DPF3: variants seen among roughly 807,000 people sequenced by gnomAD.
DPF3 encodes the protein double PHD fingers 3.
In DPF3, 18 loss-of-function variants were observed where a neutral mutation model predicts 56.8. The observed-to-expected ratio is 0.32, with a 90% CI of 0.22 to 0.47. The LOEUF (loss-of-function observed/expected upper bound fraction) is 0.47, where lower values mean the gene tolerates loss of function less well. DPF3 is among the 20% of genes least tolerant of loss of function. DPF3 has a pLI of 1.00. For missense variants in DPF3, 403 were observed against 488.8 expected (o/e 0.82, Z 1.65); for synonymous variants, 188 against 180.2 (o/e 1.04, Z -0.35).
At chr14:72,753,207 G>T in intron 3 of DPF3, 57 bp downstream of exon 3, 1 of 1,545,116 alleles carries the variant, frequency 6.5e-7, no homozygotes. Context: ...CCTGGGCCCA[G>T]CCCAGTCCTC....
intron 8 of DPF3, chr14:72,671,588 AC>A: frequency 1.5e-6 from 1 of 648,146 alleles, no homozygotes; most frequent in Non-Finnish European, 2.9e-6. Flanking sequence ...ACAGCTTCCG[AC>A]AGCAAAAGAT....
intron 8 of DPF3, among the ~76,000 whole-genome samples, chr14:72,644,428 G>A (rs73296112): frequency 0.037 from 5,583 of 152,260 alleles, 361 homozygotes; most frequent in African/African-American, 0.13. Flanking sequence ...ATTCCTGAAT[G>A]AGAATTGATC....
At chr14:72,733,640 A>C (rs1951636053) in intron 3 of DPF3, among the ~76,000 whole-genome samples, 1 of 152,136 alleles carries the variant, frequency 6.6e-6, no homozygotes, top group Admixed American at 6.5e-5. Context: ...CAGAAGCGAG[A>C]GGGGAAGGGA....
In DPF3 at chr14:72,705,135, C is replaced by T. The variant is rs564417480; in HGVS notation, c.604+9288G>A. ...GTGAGTGGCGGGCAGGCAAGAGAAA[C>T]TTCATCTGTATTTACAGCTGCTCCT... On this transcript the variant is annotated intron_variant, in intron 6 of 10. Coordinates refer to ENST00000556509, the MANE Select transcript of DPF3 (RefSeq NM_001280542.3). Among the ~76,000 whole-genome samples, 10 of 152,286 alleles carry T rather than the reference C, an allele frequency of 6.6e-5. No homozygotes were observed. In the South Asian group the frequency reaches 2.1e-3, roughly 32 times the overall value.
At chr14:72,719,017 G>A (rs1050713869) in intron 5 of DPF3, among the ~76,000 whole-genome samples, 1 of 149,930 alleles carries the variant, frequency 6.7e-6, no homozygotes, top group Admixed American at 6.7e-5. Flanking sequence ...TGATCCACCC[G>A]CCTTGGCCTC....
intron 2 of DPF3, among the ~76,000 whole-genome samples, chr14:72,770,688 A>G (rs1030078562): frequency 6.6e-6 from 1 of 152,236 alleles, no homozygotes; most frequent in Admixed American, 6.5e-5. Flanking sequence ...GCAGGGCTAC[A>G]TGGGGATGTG....
chr14:72,752,865 C>T (rs556083978), intron 3 of DPF3, among the ~76,000 whole-genome samples: 21 of 152,248 alleles, frequency 1.4e-4, no homozygotes, highest in African/African-American at 4.8e-4. Flanking sequence ...AGAGGGTCCA[C>T]GGTGTATTAT....
chr14:72,686,663 T>C (rs151054944), intron 7 of DPF3, among the ~76,000 whole-genome samples: 3,159 of 152,340 alleles, frequency 0.021, 118 homozygotes, highest in Admixed American at 0.1. Flanking sequence ...AACTGTCTAG[T>C]TAAATAATAA....
chr14:72,791,318 C>T (rs1892422545), intron 1 of DPF3, among the ~76,000 whole-genome samples: 1 of 152,370 alleles, frequency 6.6e-6, no homozygotes, highest in East Asian at 1.9e-4. Flanking sequence ...GGTCCCCCAC[C>T]ACTGCCGCTG....
chr14:72,702,267 C>T (rs73298188), intron 6 of DPF3, among the ~76,000 whole-genome samples: 4,818 of 151,178 alleles, frequency 0.032, 125 homozygotes, highest in South Asian at 0.081. Flanking sequence ...AGCAGGAGAA[C>T]GGAGGGTGGG....
intron 1 of DPF3, among the ~76,000 whole-genome samples, chr14:72,838,905 A>ATTTTTTTT (rs1409942522): frequency 4.7e-5 from 3 of 64,502 alleles, no homozygotes; most frequent in African/African-American, 2.0e-4. Context: ...TATCATATAT[A>ATTTTTTTT]TTCTTTTTTT....
At chr14:72,806,160 C>T (rs1328478411) in intron 1 of DPF3, 2 of 152,190 alleles carry the variant, frequency 1.3e-5, no homozygotes, top group Non-Finnish European at 2.9e-5. Context: ...CTGAAAAGCT[C>T]CTCAAATACA....
chr14:72,756,965 G>A (rs1037430055), intron 2 of DPF3, among the ~76,000 whole-genome samples: 53 of 129,182 alleles, frequency 4.1e-4, no homozygotes, highest in South Asian at 3.5e-3. Flanking sequence ...GGGAAAGAGG[G>A]GGAGAGAGGG....
chr14:72,793,303 C>T lies in DPF3; in HGVS notation c.33-21410G>A, dbSNP rs562765559. 3.9e-5 allele frequency among the ~76,000 whole-genome samples: 6 copies of T among 152,296 alleles called. No individual in the cohort carries two copies. The East Asian group carries it at 1.2e-3, about 29-fold the overall frequency. On this transcript the variant is annotated intron_variant, in intron 1 of 10. Coordinates refer to ENST00000556509, the MANE Select transcript of DPF3 (RefSeq NM_001280542.3). ...GGGTGGAGAAGACCACTCAAGCTTA[C>T]AAGACACTCCTGGGGACAGAGGGAG...
intron 1 of DPF3, among the ~76,000 whole-genome samples, chr14:72,814,270 G>A (rs1429546384): frequency 6.6e-6 from 1 of 152,090 alleles, no homozygotes; most frequent in African/African-American, 2.4e-5. Flanking sequence ...TTCTTTGAAA[G>A]CCCATAGCAG....
intron 1 of DPF3, among the ~76,000 whole-genome samples, chr14:72,801,104 C>T: frequency 6.6e-6 from 1 of 152,210 alleles, no homozygotes; most frequent in East Asian, 1.9e-4. Flanking sequence ...TCCTGGCATT[C>T]ACAGGTAGCT....
At position 72,861,184 on chromosome 14, in the gene DPF3, C is replaced by T. The variant is rs188366333; in HGVS notation, c.32+32873G>A. On this transcript the variant is annotated intron_variant, in intron 1 of 10. Transcript: ENST00000556509. ...TTCCTCCCTCCCTCTCTCGCTCACT[C>T]TGTGTATGTATGTACTGGTGAATAT... Among the ~76,000 whole-genome samples, 271 of 152,234 alleles carry T rather than the reference C, an allele frequency of 1.8e-3. 7 individuals carry two copies. Among genetic ancestry groups the T allele is most frequent in the Admixed American group, 0.017 (256 of 15,286 alleles).
chr14:72,866,309 G>A (rs1476626832), intron 1 of DPF3, among the ~76,000 whole-genome samples: 3 of 137,738 alleles, frequency 2.2e-5, no homozygotes, highest in Non-Finnish European at 3.4e-5. Flanking sequence ...AACATTCATC[G>A]TGCCAAACCT....
intron 1 of DPF3, among the ~76,000 whole-genome samples, chr14:72,815,777 A>C (rs1200513535): frequency 6.6e-6 from 1 of 152,212 alleles, no homozygotes; most frequent in Non-Finnish European, 1.5e-5. Context: ...AACGTCCGAA[A>C]TCAGTCTCAC....
Sources: gnomAD v4.1 joint callset for allele counts (sites outside exome capture counted in the v4.1 genomes callset) on GRCh38, gnomAD v4.1.1 for gene constraint, MANE v1.5 for transcripts, NCBI Gene and HGNC (gene_info 2026-07-23, HGNC 2026-07-21) for gene names.